The following CNTLN variants were observed in gnomAD, a reference collection of about 807,000 sequenced individuals.
CNTLN encodes centlein.
In CNTLN, 212 loss-of-function variants were observed where a neutral mutation model predicts 180.0. The observed-to-expected ratio is 1.18, with a 90% confidence interval of 1.05 to 1.32. The LOEUF is 1.32. CNTLN is among the 40% of genes most tolerant of loss of function. CNTLN has a pLI of 0.00. For missense variants in CNTLN, 2,095 were observed against 1,610.9 expected, an observed-to-expected ratio of 1.30 and a Z score of -5.14; for synonymous variants, 722 against 563.1, an observed-to-expected ratio of 1.28 and a Z score of -3.99.
intron 5 of CNTLN, among the ~76,000 whole-genome samples, chr9:17,266,249 A>G (rs1827433011): frequency 1.3e-5 from 2 of 152,070 alleles, no homozygotes; most frequent in Non-Finnish European, 2.9e-5. Context: ...CTTTGTTATC[A>G]TTGGTTTCAA....
intron 13 of CNTLN, among the ~76,000 whole-genome samples, chr9:17,382,043 A>T (rs1825292577): frequency 6.6e-6 from 1 of 152,184 alleles, no homozygotes; most frequent in African/African-American, 2.4e-5. Flanking sequence ...CCATGAAAGG[A>T]GTAAGCATTT....
intron 2 of CNTLN, among the ~76,000 whole-genome samples, chr9:17,160,647 T>C (rs2131583992): frequency 6.6e-6 from 1 of 152,342 alleles, no homozygotes; most frequent in South Asian, 2.1e-4. Flanking sequence ...ATATCAGTTC[T>C]GTTTTACATC....
intron 2 of CNTLN, among the ~76,000 whole-genome samples, chr9:17,154,287 G>A (rs1018892333): frequency 1.3e-5 from 2 of 152,164 alleles, no homozygotes; most frequent in African/African-American, 4.8e-5. Context: ...CCCCATCTTT[G>A]TGGATTTATC....
At chr9:17,515,577 G>T in the CNTLN span, among the ~76,000 whole-genome samples, 1 of 152,072 alleles carries the variant, frequency 6.6e-6, no homozygotes, top group East Asian at 1.9e-4. Context: ...TCAGTAAGTG[G>T]CAACCCTAAA....
chr9:17,154,354 A>G (rs936684267), intron 2 of CNTLN, among the ~76,000 whole-genome samples: 9 of 152,034 alleles, frequency 5.9e-5, no homozygotes, highest in Admixed American at 5.9e-4. Flanking sequence ...TGGATGTGCT[A>G]ATCCTTTCTG....
intron 2 of CNTLN, among the ~76,000 whole-genome samples, chr9:17,189,197 C>G (rs1291295855): frequency 6.8e-6 from 1 of 148,074 alleles, no homozygotes; most frequent in Non-Finnish European, 1.5e-5. Context: ...ATTCTCCTGC[C>G]TCAGCTTCTG....
At chr9:17,392,083 C>T (rs1269704295) in intron 14 of CNTLN, among the ~76,000 whole-genome samples, 4 of 151,964 alleles carry the variant, frequency 2.6e-5, no homozygotes, top group Non-Finnish European at 5.9e-5. Context: ...ATCAAGGCAA[C>T]ACAATGCGAC....
At chr9:17,333,376 G>A (rs1013409093) in intron 10 of CNTLN, among the ~76,000 whole-genome samples, 1 of 151,876 alleles carries the variant, frequency 6.6e-6, no homozygotes, top group African/African-American at 2.4e-5. Flanking sequence ...CTACATTGAG[G>A]GTTTTTTTTC....
intron 25 of CNTLN, among the ~76,000 whole-genome samples, chr9:17,499,021 A>T (rs1361032803): frequency 1.3e-5 from 2 of 152,202 alleles, no homozygotes; most frequent in African/African-American, 2.4e-5. Flanking sequence ...ATAAATATGC[A>T]TTTAATCTGG....
In CNTLN at chr9:17,257,639, T is replaced by A. The variant is rs62558302; in HGVS notation, c.850-16094T>A. The stretch of plus-strand genomic sequence containing the variant: ...TTCTCCGCATCCTCTCCAGCACCTG[T>A]TGTTTCCTGACTTTTTAATGATCAC... On this transcript the variant is annotated intron_variant, in intron 5 of 25. Coordinates refer to ENST00000380647, the MANE Select transcript of CNTLN (RefSeq NM_017738.4). 2.8e-3 allele frequency among the ~76,000 whole-genome samples: 422 copies of A among 151,602 alleles called. 1 individual carries two copies. The highest frequency in any genetic ancestry group is 4.4e-3 in the South Asian group (21 of 4,824).
At chr9:17,513,753 G>A in the CNTLN span, among the ~76,000 whole-genome samples, 1 of 151,868 alleles carries the variant, frequency 6.6e-6, no homozygotes, top group Non-Finnish European at 1.5e-5. Context: ...AAATAGAATA[G>A]GAGGAAAGAA....
intron 6 of CNTLN, among the ~76,000 whole-genome samples, chr9:17,287,205 T>G (rs1829040653): frequency 6.6e-6 from 1 of 151,474 alleles, no homozygotes; most frequent in South Asian, 2.1e-4. Flanking sequence ...TATTGAGAGT[T>G]TTTAGCATGA....
chr9:17,433,750 A>T (rs1292226765), intron 18 of CNTLN, among the ~76,000 whole-genome samples: 2 of 151,884 alleles, frequency 1.3e-5, no homozygotes, highest in East Asian at 3.9e-4. Flanking sequence ...CAACTATTTT[A>T]AAAAATTTTT....
At chr9:17,268,245 C>T (rs755320316) in intron 5 of CNTLN, among the ~76,000 whole-genome samples, 5 of 152,128 alleles carry the variant, frequency 3.3e-5, no homozygotes, top group Non-Finnish European at 4.4e-5. Context: ...TGTTAGTTTT[C>T]CTTCTATCAG....
the CNTLN span, among the ~76,000 whole-genome samples, chr9:17,509,512 C>T: frequency 6.6e-6 from 1 of 152,152 alleles, no homozygotes; most frequent in Non-Finnish European, 1.5e-5. Context: ...TGGGCCTGTG[C>T]TCATGAAATT....
chr9:17,141,381 T>G (rs1586892834), intron 1 of CNTLN, among the ~76,000 whole-genome samples: 1 of 152,208 alleles, frequency 6.6e-6, no homozygotes, highest in Non-Finnish European at 1.5e-5. Flanking sequence ...AGATATTATT[T>G]AAGAAAAGGC....
At position 17,202,925 on chromosome 9, in the gene CNTLN, T is replaced by C. The variant is rs1427867796; in HGVS notation, c.450-23278T>C. Reference sequence around the variant, plus strand: ...TGCATTAGGTGATGCAGTTTCTTCATAGTGTCGTTGGTCTTTATATTTTGG... The same window carrying C: ...TGCATTAGGTGATGCAGTTTCTTCACAGTGTCGTTGGTCTTTATATTTTGG... On this transcript the variant is annotated intron_variant, in intron 2 of 25. Coordinates refer to ENST00000380647, the MANE Select transcript of CNTLN (RefSeq NM_017738.4). Among the ~76,000 whole-genome samples the C allele has an allele frequency of 2.6e-5, 4 of 152,272 alleles. No individual in the cohort carries two copies. The East Asian group carries it at 7.8e-4, about 30-fold the overall frequency.
At chr9:17,326,895 A>G (rs560322713) in intron 8 of CNTLN, among the ~76,000 whole-genome samples, 85 of 152,300 alleles carry the variant, frequency 5.6e-4, no homozygotes, top group African/African-American at 2.0e-3. Context: ...TCTAGGAGAT[A>G]TAGGAACTAA....
At chr9:17,426,703 G>A in intron 18 of CNTLN, among the ~76,000 whole-genome samples, 1 of 151,878 alleles carries the variant, frequency 6.6e-6, no homozygotes, top group East Asian at 1.9e-4. Context: ...TGTTCTTGAG[G>A]TTCTAATCTT....
Sources: allele counts gnomAD v4.1 joint callset (sites outside exome capture counted in the v4.1 genomes callset), GRCh38; gene constraint gnomAD v4.1.1; transcripts MANE v1.5; gene names NCBI Gene and HGNC (gene_info 2026-07-23, HGNC 2026-07-21).